SYTL1: variants seen among roughly 807,000 people sequenced by gnomAD.
SYTL1 encodes the protein synaptotagmin like 1.
SYTL1 carries 53 observed loss-of-function variants against 74.6 expected under a neutral mutation model. The ratio of observed to expected loss-of-function variants is 0.71; its 90% CI spans 0.57 to 0.89. The LOEUF is 0.89. Among genes scored for constraint, SYTL1 ranks in the 40% least tolerant of loss-of-function variants. The pLI is 0.00. For missense variants in SYTL1, 728 were observed against 768.7 expected (o/e 0.95, Z 0.63); for synonymous variants, 329 against 324.9 (o/e 1.01, Z -0.14).
Position 27,350,531 on chromosome 1 carries a change from C to T in SYTL1, c.1005+46C>T, listed in dbSNP as rs1054438052. 1 of 1,514,908 alleles carries T rather than the reference C, an allele frequency of 6.6e-7. No homozygotes were observed. The allele number at this position is 1,514,908 out of a possible 1,614,324, so 93.8% of individuals were successfully genotyped here. A position where few individuals can be genotyped will look rare whatever the true frequency, so the allele number is the denominator to read the frequency against. On this transcript the variant is annotated intron_variant, in intron 10 of 14. Coordinates refer to ENST00000616558, the MANE Select transcript of SYTL1 (RefSeq NM_001193308.2). This position sits in a 1 kb window ranked among gnomAD's most constrained non-coding sequence, Gnocchi z 6.3. Reference sequence around the variant, plus strand: ...CGGTTCCCCGTTAATGAACTGGACGCCCCCTTCCTGCGGGGCTAGGTGGCA... The same window carrying T: ...CGGTTCCCCGTTAATGAACTGGACGTCCCCTTCCTGCGGGGCTAGGTGGCA...
At position 27,345,945 on chromosome 1, in the gene SYTL1, TA is replaced by T. The variant is rs1297676588; in HGVS notation, c.191+422del. On this transcript the variant is annotated intron_variant, in intron 2 of 14. Coordinates refer to ENST00000616558, the MANE Select transcript of SYTL1 (RefSeq NM_001193308.2). This position sits in a 1 kb window ranked among gnomAD's most constrained non-coding sequence, Gnocchi z 6.0. ...ATAGGCACATGCCACCATGCCCAGC[TA>T]ATTTTTGTATTTTTAGTAGAGATGG... Among the ~76,000 whole-genome samples, 1 of 152,154 alleles carries T rather than the reference TA, an allele frequency of 6.6e-6. No individual in the cohort carries two copies. The highest frequency in any genetic ancestry group is 2.4e-5 in the African/African-American group (1 of 41,436).
chr1:27,351,317 C>A lies in SYTL1; in HGVS notation c.1224C>A (p.Tyr408Ter). 6.4e-7 allele frequency: 1 copy of A among 1,556,446 alleles called. No homozygotes were observed. Among genetic ancestry groups the A allele is most frequent in the Non-Finnish European group, 8.7e-7 (1 of 1,150,288 alleles). The change falls in exon 12 of 15, where the codon TAC becomes TAA. Residue 408 changes from tyrosine to a stop codon, truncating the protein, a stop_gained. Transcript: ENST00000616558. LOFTEE classifies it high-confidence loss of function. The surrounding 1 kb of genome is among the most constrained non-coding windows in gnomAD (Gnocchi z 5.0). The part of the protein sequence containing the change: ...SRGLLALSLK[Y>*]VPAGSEGAGL... ...GGTTACTCGCCCTGTCCCTCAAGTA[C>A]GTCCCCGCCGGCTCCGAGGGTGAGT...
In SYTL1 at chr1:27,349,548, GGCGGGGAGC is replaced by G. The variant is rs951742363; in HGVS notation, c.633+53_633+61del. ...CTCTCAACATCCGGAGCGGACTCCG[GGCGGGGAGC>G]GCTCCTGCCCAGGGCTGCGAGCCGC... On this transcript the variant is annotated intron_variant, in intron 7 of 14. Transcript: ENST00000616558. 4 of 1,470,072 alleles carry G rather than the reference GGCGGGGAGC, an allele frequency of 2.7e-6. No individual in the cohort carries two copies. The African/African-American group carries it at 5.7e-5, about 21-fold the overall frequency. The allele number at this position is 1,470,072 out of a possible 1,614,324, so 91.1% of individuals were successfully genotyped here. A position where few individuals can be genotyped will look rare whatever the true frequency, so the allele number is the denominator to read the frequency against.
In SYTL1 at chr1:27,342,314, G is replaced by A. The variant is rs2014806916; in HGVS notation, c.-39+164G>A. 1.0e-6 allele frequency: 1 copy of A among 985,158 alleles called. No individual in the cohort carries two copies. 61.0% of individuals were successfully genotyped at this position (985,158 alleles called of 1,614,324 possible). On this transcript the variant is annotated intron_variant, in intron 1 of 14. Transcript: ENST00000616558. This position sits in a 1 kb window ranked among gnomAD's most constrained non-coding sequence, Gnocchi z 4.7. ...GACAGACCCTCCTCTTGACCAATGG[G>A]TCTGTCCCACCGTGTCAAAACAGCA...
chr1:27,343,637 G>A lies in SYTL1; in HGVS notation c.-39+1487G>A, dbSNP rs2014873690. 1.3e-5 allele frequency among the ~76,000 whole-genome samples: 2 copies of A among 151,926 alleles called. No individual in the cohort carries two copies. The highest frequency in any genetic ancestry group is 4.1e-4 in the South Asian group (2 of 4,822). The stretch of plus-strand genomic sequence containing the variant: ...GTGTGTGTATCTGTCTGTCTAGGTG[G>A]GTGGTTGTATGTGTGCATTCCCATG... On this transcript the variant is annotated intron_variant, in intron 1 of 14. Coordinates refer to ENST00000616558, the MANE Select transcript of SYTL1 (RefSeq NM_001193308.2). The surrounding 1 kb of genome is among the most constrained non-coding windows in gnomAD (Gnocchi z 5.2).
chr1:27,350,476 G>C lies in SYTL1; in HGVS notation c.996G>C (p.Glu332Asp). The change falls in exon 10 of 15, where the codon GAG becomes GAC. Residue 332 changes from glutamate to aspartate, a missense_variant. Glu to Asp is a conservative substitution (Grantham distance 45, BLOSUM62 2). Transcript: ENST00000616558. This position sits in a 1 kb window ranked among gnomAD's most constrained non-coding sequence, Gnocchi z 6.3. The part of the protein sequence containing the change: ...KKRNLNPVFN[E>D]TLRYSVPQAE... Reference sequence around the variant, plus strand: ...GGAATCTGAATCCGGTTTTCAACGAGACTCTCCGGGTGAGGCTGTGACCAC... The same window carrying C: ...GGAATCTGAATCCGGTTTTCAACGACACTCTCCGGGTGAGGCTGTGACCAC... The C allele has an allele frequency of 6.2e-7, 1 of 1,613,038 alleles. No individual in the cohort carries two copies. The highest frequency in any genetic ancestry group is 8.5e-7 in the Non-Finnish European group (1 of 1,179,498).
Position 27,350,241 on chromosome 1 carries a change from T to C in SYTL1, c.908+109T>C. ...TTCAAAATGGGAACAACAGCGTTAT[T>C]GGGAGGCGTGCGATTAAGCGAGACA... On this transcript the variant is annotated intron_variant, in intron 9 of 14. Transcript: ENST00000616558. The surrounding 1 kb of genome is among the most constrained non-coding windows in gnomAD (Gnocchi z 6.3). The C allele has an allele frequency of 1.3e-6, 2 of 1,484,948 alleles. No homozygotes were observed. The highest frequency in any genetic ancestry group is 1.9e-6 in the Non-Finnish European group (2 of 1,077,740). 92.0% of individuals were successfully genotyped at this position (1,484,948 alleles called of 1,614,324 possible). A position where few individuals can be genotyped will look rare whatever the true frequency, so the allele number is the denominator to read the frequency against.
At position 27,351,008 on chromosome 1, in the gene SYTL1, C is replaced by T; in HGVS notation, c.1164+56C>T. On this transcript the variant is annotated intron_variant, in intron 11 of 14. Coordinates refer to ENST00000616558, the MANE Select transcript of SYTL1 (RefSeq NM_001193308.2). This position sits in a 1 kb window ranked among gnomAD's most constrained non-coding sequence, Gnocchi z 5.0. ...GCGGCCCGGGTCTCCTGCATTTACC[C>T]CACCAGGCTCTCCCGCAGCCCCCTC... 1 of 1,591,624 alleles carries T rather than the reference C, an allele frequency of 6.3e-7. No homozygotes were observed. Among genetic ancestry groups the T allele is most frequent in the Non-Finnish European group, 8.6e-7 (1 of 1,166,008 alleles).
At position 27,347,609 on chromosome 1, in the gene SYTL1, T is replaced by G. The variant is rs759503868; in HGVS notation, c.340+40T>G. Reference sequence around the variant, plus strand: ...TCGGGGCAGGGCAAGCCATGTGCCGTCCAGGGCGCTGGCTGTATGTGGACA... The same window carrying G: ...TCGGGGCAGGGCAAGCCATGTGCCGGCCAGGGCGCTGGCTGTATGTGGACA... On this transcript the variant is annotated intron_variant, in intron 3 of 14. Coordinates refer to ENST00000616558, the MANE Select transcript of SYTL1 (RefSeq NM_001193308.2). This position sits in a 1 kb window ranked among gnomAD's most constrained non-coding sequence, Gnocchi z 4.9. The G allele has an allele frequency of 1.9e-6, 3 of 1,605,074 alleles. No homozygotes were observed. The highest frequency in any genetic ancestry group is 1.7e-4 in the Middle Eastern group (1 of 5,968).
At position 27,348,826 on chromosome 1, in the gene SYTL1, A is replaced by G. The variant is rs4246508; in HGVS notation, c.460-254A>G. 0.28 allele frequency among the ~76,000 whole-genome samples: 42,993 copies of G among 152,236 alleles called. 6,352 individuals carry two copies. Among genetic ancestry groups the G allele is most frequent in the Middle Eastern group, 0.41 (121 of 294 alleles). On this transcript the variant is annotated intron_variant, in intron 5 of 14. Coordinates refer to ENST00000616558, the MANE Select transcript of SYTL1 (RefSeq NM_001193308.2). This position sits in a 1 kb window ranked among gnomAD's most constrained non-coding sequence, Gnocchi z 4.1. ...AGGAATGGGACTGGCCTGGCCTGGCAGAGGTGGAGGACTCAGGTACGAATG... is the reference window on the plus strand; with the variant it reads ...AGGAATGGGACTGGCCTGGCCTGGCGGAGGTGGAGGACTCAGGTACGAATG...
Position 27,345,630 on chromosome 1 carries a change from G to A in SYTL1, c.191+105G>A, listed in dbSNP as rs555865387. The A allele has an allele frequency of 1.2e-4, 98 of 804,828 alleles. No individual in the cohort carries two copies. In the East Asian group the frequency reaches 2.5e-3, roughly 20 times the overall value. 49.9% of individuals were successfully genotyped at this position (804,828 alleles called of 1,614,324 possible). On this transcript the variant is annotated intron_variant, in intron 2 of 14. Transcript: ENST00000616558. The surrounding 1 kb of genome is among the most constrained non-coding windows in gnomAD (Gnocchi z 6.0). ...CTGTCAGATGTCTGCGTGGTTCTTGGTTTTGCCCTTCAGTCTCCTCTGGCC... is the reference window on the plus strand; with the variant it reads ...CTGTCAGATGTCTGCGTGGTTCTTGATTTTGCCCTTCAGTCTCCTCTGGCC...
rs985790638 is a variant in SYTL1 at position 27,351,088 on chromosome 1, C to A, written c.1164+136C>A. 1.3e-4 allele frequency: 179 copies of A among 1,337,682 alleles called. No individual in the cohort carries two copies. Among genetic ancestry groups the A allele is most frequent in the Middle Eastern group, 7.9e-4 (3 of 3,810 alleles). The allele number at this position is 1,337,682 out of a possible 1,614,324, so 82.9% of individuals were successfully genotyped here. The stretch of plus-strand genomic sequence containing the variant: ...AACCTCTTAACCTCATGGCCCCAGG[C>A]GAAGCCCGGCCGGCCACGGCCCCTT... On this transcript the variant is annotated intron_variant, in intron 11 of 14. Coordinates refer to ENST00000616558, the MANE Select transcript of SYTL1 (RefSeq NM_001193308.2). This position sits in a 1 kb window ranked among gnomAD's most constrained non-coding sequence, Gnocchi z 5.0.
Position 27,345,179 on chromosome 1 carries a change from A to C in SYTL1, c.-38-118A>C. The C allele has an allele frequency of 1.8e-6, 1 of 555,956 alleles. No individual in the cohort carries two copies. The highest frequency in any genetic ancestry group is 3.2e-5 in the East Asian group (1 of 31,266). 34.4% of individuals were successfully genotyped at this position (555,956 alleles called of 1,614,324 possible). ...CTCTCACCCCACCTTGAGCTCAGCC[A>C]TCCTGGGGTGGCACCCTACCCATAC... On this transcript the variant is annotated intron_variant, in intron 1 of 14. Coordinates refer to ENST00000616558, the MANE Select transcript of SYTL1 (RefSeq NM_001193308.2). This position sits in a 1 kb window ranked among gnomAD's most constrained non-coding sequence, Gnocchi z 6.0.
At position 27,342,812 on chromosome 1, in the gene SYTL1, G is replaced by C. The variant is rs2014829928; in HGVS notation, c.-39+662G>C. ...ACACAGCCACACAACAGGGCACAGA[G>C]AGGGACGTGGGCTCACACCCCAATC... On this transcript the variant is annotated intron_variant, in intron 1 of 14. Transcript: ENST00000616558. This position sits in a 1 kb window ranked among gnomAD's most constrained non-coding sequence, Gnocchi z 4.7. Among the ~76,000 whole-genome samples, 1 of 152,232 alleles carries C rather than the reference G, an allele frequency of 6.6e-6. No individual in the cohort carries two copies. Among genetic ancestry groups the C allele is most frequent in the Non-Finnish European group, 1.5e-5 (1 of 68,040 alleles).
In SYTL1 at chr1:27,353,799, G is replaced by A. The variant is rs761931676; in HGVS notation, c.1636G>A (p.Glu546Lys). ...GCAAGCCCTCCTGGAGCAGCCGTGC[G>A]AATGGGTGGATGGCCTTCTACCCCT... ...LWQALLEQPC[E>K]WVDGLLPLRT... The change falls in exon 15 of 15, where the codon GAA becomes AAA. Residue 546 changes from glutamate to lysine, a missense_variant. Glu to Lys is a moderately conservative substitution (Grantham distance 56). Transcript: ENST00000616558. 4.2e-5 allele frequency: 68 copies of A among 1,613,930 alleles called. No individual in the cohort carries two copies. The highest frequency in any genetic ancestry group is 1.6e-4 in the Middle Eastern group (1 of 6,078).
chr1:27,345,587 CCCTA>C lies in SYTL1; in HGVS notation c.191+65_191+68del. On this transcript the variant is annotated intron_variant, in intron 2 of 14. Coordinates refer to ENST00000616558, the MANE Select transcript of SYTL1 (RefSeq NM_001193308.2). The surrounding 1 kb of genome is among the most constrained non-coding windows in gnomAD (Gnocchi z 6.0). ...AGGCTTGAGTGGCCCCCATCCTGCT[CCCTA>C]CCGACACCACTGCCTGTCAGATGTC... 1 of 1,158,114 alleles carries C rather than the reference CCCTA, an allele frequency of 8.6e-7. No individual in the cohort carries two copies. Among genetic ancestry groups the C allele is most frequent in the South Asian group, 1.5e-5 (1 of 65,740 alleles). 71.7% of individuals were successfully genotyped at this position (1,158,114 alleles called of 1,614,324 possible).
chr1:27,349,771 G>A lies in SYTL1; in HGVS notation c.747+6G>A. On this transcript the variant is annotated splice_donor_region_variant and intron_variant, in intron 8 of 14. Coordinates refer to ENST00000616558, the MANE Select transcript of SYTL1 (RefSeq NM_001193308.2). ...CCAGCCTTAACTCCTCCACGGTGAG[G>A]CGGGAGGGAGGGGACCCGGGCGGCC... 1.3e-6 allele frequency: 2 copies of A among 1,592,632 alleles called. No homozygotes were observed. The highest frequency in any genetic ancestry group is 1.7e-6 in the Non-Finnish European group (2 of 1,175,198).
chr1:27,353,557 C>T lies in SYTL1; in HGVS notation c.1549+69C>T. The stretch of plus-strand genomic sequence containing the variant: ...GGGAGATGGGGGCTCAGTGTGTGGC[C>T]CTGGATACCTCTCTGTCCTTTCCTG... On this transcript the variant is annotated intron_variant, in intron 14 of 14. Transcript: ENST00000616558. The T allele has an allele frequency of 2.6e-6, 4 of 1,543,056 alleles. No homozygotes were observed. In the Admixed American group the frequency reaches 5.7e-5, roughly 22 times the overall value.
At position 27,342,501 on chromosome 1, in the gene SYTL1, TC is replaced by T; in HGVS notation, c.-39+357del. 5 of 215,100 alleles carry T rather than the reference TC, an allele frequency of 2.3e-5. No homozygotes were observed. The highest frequency in any genetic ancestry group is 3.9e-5 in the Non-Finnish European group (5 of 126,862). 13.3% of individuals were successfully genotyped at this position (215,100 alleles called of 1,614,324 possible). ...GAAATAGGCTCAGTTCTGCCGAACGTCCCCCCGGCCTCCATCCACACTCAGA... is the reference window on the plus strand; with the variant it reads ...GAAATAGGCTCAGTTCTGCCGAACGTCCCCCGGCCTCCATCCACACTCAGA... On this transcript the variant is annotated intron_variant, in intron 1 of 14. Coordinates refer to ENST00000616558, the MANE Select transcript of SYTL1 (RefSeq NM_001193308.2). This position sits in a 1 kb window ranked among gnomAD's most constrained non-coding sequence, Gnocchi z 4.7.
Sources: allele counts gnomAD v4.1 joint callset (sites outside exome capture counted in the v4.1 genomes callset), GRCh38; gene constraint gnomAD v4.1.1; non-coding constraint Gnocchi (gnomAD v3.1); transcripts MANE v1.5; gene names NCBI Gene and HGNC (gene_info 2026-07-23, HGNC 2026-07-21).